Variants in MYO1D observed in about 807,000 individuals in gnomAD.
MYO1D encodes unconventional myosin-Id.
Under a neutral mutation model 122.0 loss-of-function variants are expected in MYO1D, and 83 were observed. The observed-to-expected ratio is 0.68, with a 90% confidence interval of 0.57 to 0.82. The LOEUF is 0.82. Among genes scored for constraint, MYO1D ranks in the 40% least tolerant of loss-of-function variants. The pLI, the probability that MYO1D is intolerant of heterozygous loss-of-function variation, is 0.00. For synonymous variants in MYO1D, 464 were observed against 446.9 expected (o/e 1.04, Z -0.48); for missense variants, 1,157 against 1,269.5 (o/e 0.91, Z 1.35).
chr17:32,814,270 G>A (rs1164393534), intron 1 of MYO1D, among the ~76,000 whole-genome samples: 1 of 152,166 alleles, frequency 6.6e-6, no homozygotes, highest in Non-Finnish European at 1.5e-5. Context: ...CCTGAACCCG[G>A]GAGGCGGAGG....
chr17:32,634,635 G>A (rs2088072462), intron 20 of MYO1D, among the ~76,000 whole-genome samples: 1 of 152,204 alleles, frequency 6.6e-6, no homozygotes, highest in African/African-American at 2.4e-5. Flanking sequence ...AAGCACTCAT[G>A]AAGACTACGT....
intron 8 of MYO1D, among the ~76,000 whole-genome samples, chr17:32,764,106 A>G (rs55809346): frequency 1.9e-3 from 284 of 152,306 alleles, no homozygotes; most frequent in Non-Finnish European, 3.1e-3. Context: ...AAATTGTGGT[A>G]CTATCACTGC....
intron 4 of MYO1D, among the ~76,000 whole-genome samples, chr17:32,774,899 C>T (rs1598088307): frequency 6.6e-6 from 1 of 152,190 alleles, no homozygotes; most frequent in East Asian, 1.9e-4. Flanking sequence ...CGGCTTAGAT[C>T]TGTATGAATT....
chr17:32,748,964 G>A lies in MYO1D; in HGVS notation c.1510C>T (p.Arg504Ter), dbSNP rs1166652823. Residue 504 changes from arginine (R) to a stop codon, truncating the protein, a stop_gained, in exon 12 of 22, where the codon CGA becomes TGA. Transcript: ENST00000318217. LOFTEE classifies it high-confidence loss of function. Reference sequence around the variant, plus strand: ...ACATCGCCTGCATAATGTCGAATTCGAAAATCTCGATCAAACTCCAGAATT... The same window carrying A: ...ACATCGCCTGCATAATGTCGAATTCAAAAATCTCGATCAAACTCCAGAATT... ...DKILEFDRDF[R>*]IRHYAGDVVY... is the part of the protein sequence containing the mutation. 4 of 1,613,872 alleles carry A rather than the reference G, an allele frequency of 2.5e-6. No individual in the cohort carries two copies. Among genetic ancestry groups the A allele is most frequent in the South Asian group, 1.1e-5 (1 of 91,082 alleles).
At chr17:32,530,821 T>A (rs1015269545) in intron 21 of MYO1D, among the ~76,000 whole-genome samples, 3 of 152,120 alleles carry the variant, frequency 2.0e-5, no homozygotes, top group Admixed American at 6.5e-5. Context: ...TTTTTTTTTT[T>A]AATAAAAGAG....
At chr17:32,809,315 G>A (rs2090548886) in intron 1 of MYO1D, among the ~76,000 whole-genome samples, 1 of 151,952 alleles carries the variant, frequency 6.6e-6, no homozygotes, top group African/African-American at 2.4e-5. Flanking sequence ...TATAGACATG[G>A]GGGTCTTGTT....
intron 11 of MYO1D, among the ~76,000 whole-genome samples, chr17:32,751,122 A>G (rs907832862): frequency 6.6e-6 from 1 of 151,842 alleles, no homozygotes; most frequent in African/African-American, 2.4e-5. Context: ...AACTTTTTAT[A>G]TTAATAATTT....
intron 21 of MYO1D, among the ~76,000 whole-genome samples, chr17:32,572,164 CTCTG>C (rs1395663223): frequency 1.3e-5 from 2 of 152,034 alleles, no homozygotes; most frequent in Admixed American, 6.5e-5. Flanking sequence ...AAGAAACTCT[CTCTG>C]TATTTCCCAT....
chr17:32,761,309 G>T (rs925281274), intron 8 of MYO1D, among the ~76,000 whole-genome samples: 7 of 152,048 alleles, frequency 4.6e-5, no homozygotes, highest in Non-Finnish European at 7.4e-5. Context: ...ATCCACTCCA[G>T]TCTCCACTTA....
intron 21 of MYO1D, chr17:32,594,495 A>G: frequency 1.8e-6 from 1 of 543,742 alleles, no homozygotes; most frequent in South Asian, 2.7e-5. Context: ...TCAGTTTGCC[A>G]TGTAATCTTG....
At chr17:32,603,365 A>T (rs2087585055) in intron 21 of MYO1D, among the ~76,000 whole-genome samples, 1 of 152,146 alleles carries the variant, frequency 6.6e-6, no homozygotes, top group Non-Finnish European at 1.5e-5. Flanking sequence ...TCTTGCATTC[A>T]TTAGTACTGG....
chr17:32,702,104 CAGG>C (rs1374948724), intron 16 of MYO1D, among the ~76,000 whole-genome samples: 2 of 152,132 alleles, frequency 1.3e-5, no homozygotes, highest in South Asian at 2.1e-4. Context: ...GACAGTGGCC[CAGG>C]AGAAGTACAG....
intron 21 of MYO1D, among the ~76,000 whole-genome samples, chr17:32,573,846 G>A (rs1221489683): frequency 6.6e-6 from 1 of 150,384 alleles, no homozygotes; most frequent in Non-Finnish European, 1.5e-5. Flanking sequence ...TTTATCCCTT[G>A]TTTATTTTTT....
chr17:32,577,597 T>C (rs1415292334), intron 21 of MYO1D, among the ~76,000 whole-genome samples: 1 of 151,918 alleles, frequency 6.6e-6, no homozygotes, highest in Non-Finnish European at 1.5e-5. Flanking sequence ...CTAACAGCAA[T>C]ACTGAGCTTT....
At chr17:32,607,672 T>C (rs1304979299) in intron 20 of MYO1D, among the ~76,000 whole-genome samples, 2 of 151,986 alleles carry the variant, frequency 1.3e-5, no homozygotes, top group Non-Finnish European at 2.9e-5. Flanking sequence ...TTCTGAAATA[T>C]GTATGGAAAA....
intron 16 of MYO1D, among the ~76,000 whole-genome samples, chr17:32,681,265 G>A (rs1225452601): frequency 6.7e-6 from 1 of 150,304 alleles, no homozygotes; most frequent in African/African-American, 2.5e-5. Context: ...GTTCTGCTCT[G>A]ATTTTAGTTA....
At position 32,811,616 on chromosome 17, in the gene MYO1D, CTTTTTTTTT is replaced by C. The variant is rs755189217; in HGVS notation, c.96-30841_96-30833del. On this transcript the variant is annotated intron_variant, in intron 1 of 21. Transcript: ENST00000318217. Reference sequence around the variant, plus strand: ...ACATTTATCTCCCAACCCTCACCCTCTTTTTTTTTTTTTTTTTTTTTTTTTTGCCAGGAG... The same window carrying C: ...ACATTTATCTCCCAACCCTCACCCTCTTTTTTTTTTTTTTTTTGCCAGGAG... Among the ~76,000 whole-genome samples the C allele has an allele frequency of 1.3e-3, 74 of 57,536 alleles. No homozygotes were observed. In the South Asian group the frequency reaches 0.045, roughly 35 times the overall value. The allele number at this position is 57,536 out of a possible 152,430, so 37.7% of individuals were successfully genotyped here.
intron 16 of MYO1D, among the ~76,000 whole-genome samples, chr17:32,679,080 T>C (rs1358047048): frequency 6.6e-6 from 1 of 152,036 alleles, no homozygotes; most frequent in African/African-American, 2.4e-5. Context: ...TCTGTTCATG[T>C]CCTTCGCCCA....
chr17:32,805,857 C>T (rs2090506206), intron 1 of MYO1D, among the ~76,000 whole-genome samples: 1 of 152,156 alleles, frequency 6.6e-6, no homozygotes, highest in African/African-American at 2.4e-5. Context: ...GGACCTCAAG[C>T]CACATCTTTA....
Sources: allele counts gnomAD v4.1 joint callset (sites outside exome capture counted in the v4.1 genomes callset), GRCh38; gene constraint gnomAD v4.1.1; transcripts MANE v1.5; gene names NCBI Gene and HGNC (gene_info 2026-07-23, HGNC 2026-07-21).